Variants in TANC2 observed in about 807,000 individuals in gnomAD.
The protein encoded by TANC2 is tetratricopeptide repeat, ankyrin repeat and coiled-coil containing 2, also known as protein TANC2.
Under a neutral mutation model 210.5 loss-of-function variants are expected in TANC2, and 26 were observed. The ratio of observed to expected loss-of-function variants is 0.12; its 90% CI spans 0.09 to 0.17. TANC2 has a LOEUF of 0.17. TANC2 is among the 10% of genes least tolerant of loss of function. The probability of loss-of-function intolerance (pLI) is 1.00; values close to 1 mark genes in which losing one functional copy is unlikely to be tolerated. For missense variants in TANC2, 2,129 were observed against 2,608.9 expected (o/e 0.82, Z 4.01); for synonymous variants, 931 against 967.1 (o/e 0.96, Z 0.69).
At chr17:63,404,209 AACAATAG>A (rs1318831743) in intron 19 of TANC2, among the ~76,000 whole-genome samples, 1 of 152,176 alleles carries the variant, frequency 6.6e-6, no homozygotes, top group Non-Finnish European at 1.5e-5. Context: ...CATTTTTTAA[AACAATAG>A]ACTTGTGCAC....
At chr17:63,118,820 C>T (rs910668756) in intron 4 of TANC2, among the ~76,000 whole-genome samples, 4 of 149,048 alleles carry the variant, frequency 2.7e-5, no homozygotes, top group Non-Finnish European at 5.9e-5. Context: ...CGCTCTGTCG[C>T]CCAGGCTGGA....
At chr17:63,266,479 T>C (rs1275084489) in intron 8 of TANC2, among the ~76,000 whole-genome samples, 1 of 152,194 alleles carries the variant, frequency 6.6e-6, no homozygotes, top group Non-Finnish European at 1.5e-5. Flanking sequence ...GATGTAAGTT[T>C]ACTTACTGTC....
chr17:63,321,374 C>T (rs1366835536), intron 11 of TANC2, among the ~76,000 whole-genome samples: 2 of 152,080 alleles, frequency 1.3e-5, no homozygotes, highest in African/African-American at 4.8e-5. Flanking sequence ...TAATGTGTAA[C>T]AGTTCTTCCT....
intron 9 of TANC2, among the ~76,000 whole-genome samples, chr17:63,291,106 A>G (rs1055921271): frequency 6.6e-6 from 1 of 152,080 alleles, no homozygotes; most frequent in African/African-American, 2.4e-5. Flanking sequence ...CTATTCACCG[A>G]TTATAAGTGC....
intron 1 of TANC2, among the ~76,000 whole-genome samples, chr17:62,985,842 A>G (rs1354049132): frequency 1.3e-5 from 2 of 151,936 alleles, no homozygotes; most frequent in African/African-American, 4.8e-5. Flanking sequence ...ATTATTTTTG[A>G]CATTTTGTAT....
exon 10 of TANC2, chr17:63,314,656 T>C (rs1281801600): frequency 3.1e-6 from 5 of 1,613,590 alleles, no homozygotes; most frequent in Admixed American, 3.3e-5. Context: ...ACAGCCCACA[T>C]GCCTCCCCCA....
At chr17:63,086,996 C>G (rs2036994068) in intron 3 of TANC2, among the ~76,000 whole-genome samples, 1 of 152,230 alleles carries the variant, frequency 6.6e-6, no homozygotes, top group Non-Finnish European at 1.5e-5. Context: ...CGGCAACTCA[C>G]TGGCGTCCCT....
At chr17:63,090,703 A>T (rs1423368179) in intron 3 of TANC2, among the ~76,000 whole-genome samples, 3 of 152,178 alleles carry the variant, frequency 2.0e-5, no homozygotes, top group Non-Finnish European at 4.4e-5. Context: ...CATGATTTAT[A>T]ATCCTTTGGG....
At chr17:63,115,270 A>G (rs778633028) in intron 4 of TANC2, among the ~76,000 whole-genome samples, 1 of 152,206 alleles carries the variant, frequency 6.6e-6, no homozygotes, top group Non-Finnish European at 1.5e-5. Flanking sequence ...CAAGTCAAAC[A>G]TAATAGCTCA....
intron 4 of TANC2, among the ~76,000 whole-genome samples, chr17:63,111,514 A>G (rs1388016612): frequency 6.6e-6 from 1 of 152,126 alleles, no homozygotes; most frequent in Admixed American, 6.5e-5. Flanking sequence ...GCTCTTCTCA[A>G]CTGGGGCTCT....
At chr17:63,227,688 A>G (rs1039611458) in intron 7 of TANC2, among the ~76,000 whole-genome samples, 5 of 152,162 alleles carry the variant, frequency 3.3e-5, no homozygotes, top group South Asian at 4.1e-4. Flanking sequence ...ACCCATGCCT[A>G]TGTCTTGAAT....
chr17:63,098,966 A>G (rs1189662536), intron 3 of TANC2, among the ~76,000 whole-genome samples: 1 of 152,212 alleles, frequency 6.6e-6, no homozygotes, highest in Admixed American at 6.5e-5. Flanking sequence ...CCTTATAAGA[A>G]GGAACCTTAG....
chr17:63,399,630 G>A (rs1001392701), intron 19 of TANC2, among the ~76,000 whole-genome samples: 2 of 152,212 alleles, frequency 1.3e-5, no homozygotes, highest in African/African-American at 2.4e-5. Flanking sequence ...AATGAAAACT[G>A]TAGAGTAACC....
chr17:63,207,028 ATC>A, intron 7 of TANC2, among the ~76,000 whole-genome samples: 1 of 151,956 alleles, frequency 6.6e-6, no homozygotes, highest in Non-Finnish European at 1.5e-5. Flanking sequence ...CTTCTTCTGT[ATC>A]TCTTCCCATT....
At chr17:63,354,515 G>A (rs2046723866) in intron 13 of TANC2, among the ~76,000 whole-genome samples, 1 of 152,130 alleles carries the variant, frequency 6.6e-6, no homozygotes, top group African/African-American at 2.4e-5. Context: ...TTTCAGGAGT[G>A]TTGTTTAGAA....
intron 5 of TANC2, among the ~76,000 whole-genome samples, chr17:63,155,555 T>C (rs1215656485): frequency 6.6e-6 from 1 of 152,146 alleles, no homozygotes; most frequent in Non-Finnish European, 1.5e-5. Context: ...GTTGACAGTT[T>C]TATAGGACTT....
chr17:63,127,117 G>A (rs1442882769), intron 4 of TANC2, among the ~76,000 whole-genome samples: 1 of 152,086 alleles, frequency 6.6e-6, no homozygotes, highest in Non-Finnish European at 1.5e-5. Context: ...GTTTTTTCTT[G>A]TTATTACCGC....
intron 4 of TANC2, among the ~76,000 whole-genome samples, chr17:63,142,624 G>C (rs2039327720): frequency 1.3e-5 from 2 of 151,842 alleles, no homozygotes; most frequent in African/African-American, 4.8e-5. Flanking sequence ...AATCTTTATG[G>C]TTTTATTTTT....
chr17:63,303,175 A>G (rs2044779197), intron 9 of TANC2, among the ~76,000 whole-genome samples: 1 of 152,156 alleles, frequency 6.6e-6, no homozygotes, highest in African/African-American at 2.4e-5. Flanking sequence ...ACACTAGTTG[A>G]TGCAATTTCT....
Sources: allele counts gnomAD v4.1 joint callset (sites outside exome capture counted in the v4.1 genomes callset), GRCh38; gene constraint gnomAD v4.1.1; transcripts MANE v1.5; gene names NCBI Gene and HGNC (gene_info 2026-07-23, HGNC 2026-07-21).